The following SLC24A3 variants were observed in gnomAD, a reference collection of about 807,000 sequenced individuals.
SLC24A3 encodes the protein sodium/potassium/calcium exchanger 3.
SLC24A3 carries 28 observed loss-of-function variants against 75.8 expected under a neutral mutation model. The observed-to-expected ratio is 0.37, with a 90% CI of 0.27 to 0.51. SLC24A3 has a LOEUF of 0.51. SLC24A3 is among the 20% of genes least tolerant of loss of function. SLC24A3 has a pLI of 0.94. For missense variants in SLC24A3, 663 were observed against 847.8 expected, an observed-to-expected ratio of 0.78 and a Z score of 2.71; for synonymous variants, 372 against 334.1, an observed-to-expected ratio of 1.11 and a Z score of -1.24.
At chr20:19,368,084 G>A (rs1301088522) in intron 2 of SLC24A3, among the ~76,000 whole-genome samples, 1 of 152,162 alleles carries the variant, frequency 6.6e-6, no homozygotes, top group Non-Finnish European at 1.5e-5. Context: ...AGGGCTGTGA[G>A]GGTGTGTATG....
chr20:19,721,507 T>G lies in SLC24A3; in HGVS notation c.*367T>G. ...TTTTTTAAGTTATTTGATGGAAGAC[T>G]CACCTAATTTGTGACCTGAGACTGT... On this transcript the variant is annotated 3_prime_UTR_variant, in exon 17 of 17. Transcript: ENST00000328041. The G allele has an allele frequency of 5.1e-6, 1 of 194,298 alleles. No homozygotes were observed. Among genetic ancestry groups the G allele is most frequent in the Non-Finnish European group, 1.0e-5 (1 of 95,660 alleles). The allele number at this position is 194,298 out of a possible 1,614,324, so 12.0% of individuals were successfully genotyped here. A position where few individuals can be genotyped will look rare whatever the true frequency, so the allele number is the denominator to read the frequency against.
chr20:19,597,472 T>C (rs943427999), intron 6 of SLC24A3, among the ~76,000 whole-genome samples: 5 of 152,234 alleles, frequency 3.3e-5, no homozygotes, highest in Non-Finnish European at 1.5e-5. Flanking sequence ...ATTTATTAGG[T>C]ACATGTGATA....
intron 1 of SLC24A3, among the ~76,000 whole-genome samples, chr20:19,276,784 A>C (rs1200140121): frequency 1.3e-5 from 2 of 152,118 alleles, no homozygotes; most frequent in African/African-American, 4.8e-5. Flanking sequence ...ATGCACCTGC[A>C]GTCCTAGATA....
chr20:19,267,324 A>C (rs889485319), intron 1 of SLC24A3, among the ~76,000 whole-genome samples: 1 of 152,210 alleles, frequency 6.6e-6, no homozygotes, highest in Non-Finnish European at 1.5e-5. Flanking sequence ...AGATATATAG[A>C]TCCAAATGGA....
At chr20:19,280,918 C>A in intron 1 of SLC24A3, 41 bp from the exon 2 acceptor site, 1 of 1,604,388 alleles carries the variant, frequency 6.2e-7, no homozygotes. Context: ...GGCTGAAACC[C>A]AGCTGTGAAT....
intron 1 of SLC24A3, chr20:19,213,597 T>C (rs1341826569): frequency 6.6e-6 from 1 of 152,324 alleles, no homozygotes; most frequent in Non-Finnish European, 1.5e-5. Flanking sequence ...GACAGGGAAT[T>C]CTTCCTCAGA....
intron 6 of SLC24A3, among the ~76,000 whole-genome samples, chr20:19,634,588 A>T (rs2031976600): frequency 6.6e-6 from 1 of 152,248 alleles, no homozygotes; most frequent in Admixed American, 6.5e-5. Context: ...AGAGAAAATT[A>T]TTGATACACA....
At chr20:19,513,418 G>A (rs1452508299) in intron 2 of SLC24A3, among the ~76,000 whole-genome samples, 4 of 152,150 alleles carry the variant, frequency 2.6e-5, no homozygotes, top group African/African-American at 9.7e-5. Context: ...GGATCACAGG[G>A]GCAAAGTGCA....
At chr20:19,327,103 T>C (rs1291582024) in intron 2 of SLC24A3, among the ~76,000 whole-genome samples, 1 of 152,202 alleles carries the variant, frequency 6.6e-6, no homozygotes, top group Non-Finnish European at 1.5e-5. Flanking sequence ...AAGTATTGGA[T>C]CATTTTATCC....
intron 2 of SLC24A3, among the ~76,000 whole-genome samples, chr20:19,467,961 GGTAT>G (rs1470404793): frequency 1.3e-5 from 2 of 152,000 alleles, no homozygotes; most frequent in African/African-American, 4.8e-5. Flanking sequence ...CAGCCAGTGA[GGTAT>G]GTCCTAGAAA....
intron 15 of SLC24A3, among the ~76,000 whole-genome samples, chr20:19,702,145 A>T (rs1180362802): frequency 6.6e-6 from 1 of 152,084 alleles, no homozygotes; most frequent in Non-Finnish European, 1.5e-5. Flanking sequence ...GCACACCATA[A>T]ATCATTCTCC....
chr20:19,684,712 C>T (rs1038962119), intron 11 of SLC24A3, among the ~76,000 whole-genome samples: 2 of 152,156 alleles, frequency 1.3e-5, no homozygotes, highest in African/African-American at 4.8e-5. Context: ...TTTTGCTGTG[C>T]ATTCCTTTTC....
chr20:19,689,065 T>C (rs2032715259), intron 12 of SLC24A3, among the ~76,000 whole-genome samples: 1 of 152,206 alleles, frequency 6.6e-6, no homozygotes, highest in Admixed American at 6.5e-5. Context: ...GAAAGCCTTA[T>C]TGTTGACAGA....
intron 3 of SLC24A3, among the ~76,000 whole-genome samples, chr20:19,540,865 A>G (rs915694416): frequency 6.6e-5 from 10 of 152,246 alleles, no homozygotes; most frequent in African/African-American, 2.2e-4. Flanking sequence ...GATCTATTGC[A>G]AATGTCAGTG....
At chr20:19,215,073 T>G (rs1197774457) in intron 1 of SLC24A3, among the ~76,000 whole-genome samples, 1 of 152,196 alleles carries the variant, frequency 6.6e-6, no homozygotes, top group East Asian at 1.9e-4. Flanking sequence ...TGATGCACAG[T>G]AGTATTTTGC....
intron 2 of SLC24A3, among the ~76,000 whole-genome samples, chr20:19,482,135 C>T (rs559907260): frequency 1.3e-5 from 2 of 152,258 alleles, no homozygotes; most frequent in African/African-American, 4.8e-5. Context: ...GGTTGTGCAC[C>T]CCCTTTTTAG....
intron 2 of SLC24A3, among the ~76,000 whole-genome samples, chr20:19,513,511 G>A (rs1397851340): frequency 1.3e-5 from 2 of 152,128 alleles, no homozygotes; most frequent in East Asian, 1.9e-4. Flanking sequence ...TTTCCAGATC[G>A]TGGCTTCATT....
chr20:19,364,580 G>C (rs1377434598), intron 2 of SLC24A3, among the ~76,000 whole-genome samples: 4 of 152,020 alleles, frequency 2.6e-5, no homozygotes, highest in Non-Finnish European at 5.9e-5. Context: ...TCAGCCTCCC[G>C]AGTAGCTAGG....
intron 1 of SLC24A3, among the ~76,000 whole-genome samples, chr20:19,267,261 T>C (rs2122205067): frequency 6.6e-6 from 1 of 152,282 alleles, no homozygotes; most frequent in Non-Finnish European, 1.5e-5. Flanking sequence ...TAAGGTTGTT[T>C]ATTTTAAGTT....
Sources: gnomAD v4.1 joint callset for allele counts (sites outside exome capture counted in the v4.1 genomes callset) on GRCh38, gnomAD v4.1.1 for gene constraint, MANE v1.5 for transcripts, NCBI Gene and HGNC (gene_info 2026-07-23, HGNC 2026-07-21) for gene names.